The following STX18 variants were observed in gnomAD, a reference collection of about 807,000 sequenced individuals.
STX18 encodes syntaxin-18.
In STX18, 40 loss-of-function variants were observed where a neutral mutation model predicts 50.1. That is an observed-to-expected ratio of 0.80 (90% confidence interval 0.62 to 1.04). The LOEUF (loss-of-function observed/expected upper bound fraction) is 1.04. Among genes scored for constraint, STX18 ranks in the 50% least tolerant of loss-of-function variants. STX18 has a pLI of 0.00. For missense variants in STX18, 410 were observed against 415.8 expected (o/e 0.99, Z 0.12); for synonymous variants, 158 against 151.8 (o/e 1.04, Z -0.30).
At chr4:4,471,780 G>C in intron 1 of STX18, 74 bp from the exon 2 acceptor site, 2 of 1,124,116 alleles carry the variant, frequency 1.8e-6, no homozygotes, top group East Asian at 5.1e-5. Flanking sequence ...AATTAATAGA[G>C]AATAAAATGC....
chr4:4,500,091 A>C (rs1729368248), intron 1 of STX18, among the ~76,000 whole-genome samples: 1 of 152,178 alleles, frequency 6.6e-6, no homozygotes, highest in Non-Finnish European at 1.5e-5. Context: ...TGGTGTTAAA[A>C]AAAAATTTAG....
At chr4:4,423,718 G>C (rs1364424069) in intron 8 of STX18, 131 bp from the exon 9 acceptor site, 3 of 889,478 alleles carry the variant, frequency 3.4e-6, no homozygotes, top group Non-Finnish European at 5.3e-6. Context: ...GTGTCGGCTG[G>C]GGGAAGAGGA....
intron 1 of STX18, among the ~76,000 whole-genome samples, chr4:4,484,843 C>T (rs940828726): frequency 2.6e-5 from 4 of 152,190 alleles, no homozygotes; most frequent in African/African-American, 9.7e-5. Flanking sequence ...GCTTGGAAAA[C>T]TTTCTTTCAT....
chr4:4,510,306 T>C (rs1420728253), intron 1 of STX18, among the ~76,000 whole-genome samples: 1 of 152,154 alleles, frequency 6.6e-6, no homozygotes, highest in Non-Finnish European at 1.5e-5. Context: ...TTAAAAAAAT[T>C]AGTCAAAGAA....
chr4:4,440,202 G>A (rs1577324274), intron 5 of STX18, among the ~76,000 whole-genome samples: 1 of 152,208 alleles, frequency 6.6e-6, no homozygotes, highest in East Asian at 1.9e-4. Flanking sequence ...CAGAGAGACT[G>A]TAATTAAAGG....
chr4:4,528,778 GC>G (rs1730936587), intron 1 of STX18, among the ~76,000 whole-genome samples: 1 of 152,182 alleles, frequency 6.6e-6, no homozygotes, highest in South Asian at 2.1e-4. Flanking sequence ...CCTGGGAGAA[GC>G]CCACAGACAA....
intron 6 of STX18, among the ~76,000 whole-genome samples, chr4:4,436,684 T>G (rs35376776): frequency 0.058 from 8,834 of 152,266 alleles, 836 homozygotes; most frequent in African/African-American, 0.2. Flanking sequence ...ACCATGCCAG[T>G]CCTCTGCCCA....
chr4:4,425,563 A>G (rs991404626), intron 7 of STX18: 1 of 371,410 alleles, frequency 2.7e-6, no homozygotes, highest in African/African-American at 2.0e-5. Flanking sequence ...TACCATTATT[A>G]AGAAAATTCT....
At chr4:4,500,323 T>C (rs980629056) in intron 1 of STX18, among the ~76,000 whole-genome samples, 2 of 152,222 alleles carry the variant, frequency 1.3e-5, no homozygotes, top group Admixed American at 6.5e-5. Flanking sequence ...CAACCAACCA[T>C]GGACGGAAAA....
intron 3 of STX18, among the ~76,000 whole-genome samples, 184 bp downstream of exon 3, chr4:4,459,188 T>C (rs1212624630): frequency 1.3e-5 from 2 of 152,228 alleles, no homozygotes; most frequent in Non-Finnish European, 2.9e-5. Flanking sequence ...ACTTGAATGA[T>C]ACAGCCTTTG....
At chr4:4,520,069 C>T (rs1467793636) in intron 1 of STX18, among the ~76,000 whole-genome samples, 1 of 152,164 alleles carries the variant, frequency 6.6e-6, no homozygotes, top group Non-Finnish European at 1.5e-5. Context: ...AACATTCCTT[C>T]ACAGTAAAAC....
intron 1 of STX18, among the ~76,000 whole-genome samples, chr4:4,503,359 T>G (rs1729548007): frequency 6.6e-6 from 1 of 152,224 alleles, no homozygotes; most frequent in African/African-American, 2.4e-5. Flanking sequence ...TGCATCACCT[T>G]GAGAGGCTCT....
At chr4:4,520,288 T>C (rs889614452) in intron 1 of STX18, among the ~76,000 whole-genome samples, 1 of 152,216 alleles carries the variant, frequency 6.6e-6, no homozygotes, top group African/African-American at 2.4e-5. Context: ...GTATCTCAAA[T>C]TCCAGGAGAA....
At chr4:4,469,650 T>G (rs1382741927) in intron 2 of STX18, among the ~76,000 whole-genome samples, 2 of 152,188 alleles carry the variant, frequency 1.3e-5, no homozygotes, top group East Asian at 3.9e-4. Flanking sequence ...AGCACAGCGG[T>G]ACCTGAGAGG....
At chr4:4,468,204 C>T (rs1317699729) in intron 2 of STX18, among the ~76,000 whole-genome samples, 1 of 152,086 alleles carries the variant, frequency 6.6e-6, no homozygotes, top group Admixed American at 6.5e-5. Flanking sequence ...CCTCCTTAGT[C>T]TTAGAATACA....
At chr4:4,542,252 T>G, upstream of STX18, 1 of 323,292 alleles carries the variant, frequency 3.1e-6, no homozygotes, top group Non-Finnish European at 5.6e-6. Context: ...CTCAGCGAGC[T>G]CTTCTGTGTC....
chr4:4,469,685 T>A (rs1727814103), intron 2 of STX18, among the ~76,000 whole-genome samples: 1 of 152,022 alleles, frequency 6.6e-6, no homozygotes, highest in African/African-American at 2.4e-5. Context: ...ACATAAAGGA[T>A]GCACTCGCAC....
intron 1 of STX18, among the ~76,000 whole-genome samples, chr4:4,479,262 T>C (rs527490405): frequency 6.6e-6 from 1 of 152,330 alleles, no homozygotes; most frequent in Non-Finnish European, 1.5e-5. Flanking sequence ...GACAGTAAAC[T>C]AACACATCCT....
chr4:4,487,495 C>T (rs866614187), intron 1 of STX18, among the ~76,000 whole-genome samples: 11 of 152,206 alleles, frequency 7.2e-5, no homozygotes, highest in African/African-American at 2.4e-4. Flanking sequence ...AAGGCACACA[C>T]CTGGCAAGTT....
Sources: allele counts gnomAD v4.1 joint callset (sites outside exome capture counted in the v4.1 genomes callset), GRCh38; gene constraint gnomAD v4.1.1; transcripts MANE v1.5; gene names NCBI Gene and HGNC (gene_info 2026-07-23, HGNC 2026-07-21).